Variants in MYMK observed in about 807,000 individuals in gnomAD.
The protein encoded by MYMK is protein myomaker.
MYMK carries 16 observed loss-of-function variants against 22.4 expected under a neutral mutation model. That is an observed-to-expected ratio of 0.72 (90% CI 0.48 to 1.09). The LOEUF (loss-of-function observed/expected upper bound fraction) is 1.09, where lower values mean the gene tolerates loss of function less well. Among genes scored for constraint, MYMK ranks in the 50% least tolerant of loss-of-function variants. The pLI, the probability that MYMK is intolerant of heterozygous loss-of-function variation, is 0.00. For missense variants in MYMK, 250 were observed against 295.6 expected (o/e 0.85, Z 1.13); for synonymous variants, 125 against 127.0 (o/e 0.98, Z 0.11).
At chr9:133,523,025 C>T (rs976828802) in intron 1 of MYMK, among the ~76,000 whole-genome samples, 4 of 152,166 alleles carry the variant, frequency 2.6e-5, no homozygotes, top group East Asian at 1.9e-4. Context: ...TGGGTACTGG[C>T]GCTCGAGGTG....
intron 2 of MYMK, among the ~76,000 whole-genome samples, chr9:133,519,281 C>T (rs540502481): frequency 6.6e-6 from 1 of 152,242 alleles, no homozygotes; most frequent in East Asian, 1.9e-4. Flanking sequence ...AATAAACAGA[C>T]CACAGCTGGT....
intron 1 of MYMK, among the ~76,000 whole-genome samples, chr9:133,521,379 G>A (rs1457951033): frequency 6.6e-6 from 1 of 152,192 alleles, no homozygotes; most frequent in African/African-American, 2.4e-5. Flanking sequence ...AGCAGCCCGT[G>A]TCTGGAGGCG....
chr9:133,518,639 C>T (rs140843636), intron 3 of MYMK, among the ~76,000 whole-genome samples: 33 of 152,304 alleles, frequency 2.2e-4, no homozygotes, highest in African/African-American at 7.9e-4. Flanking sequence ...GGAGGTGAGA[C>T]ATTGGGTAAC....
intron 3 of MYMK, among the ~76,000 whole-genome samples, chr9:133,518,367 G>C (rs988889537): frequency 6.6e-6 from 1 of 152,320 alleles, no homozygotes. Flanking sequence ...CTCCTGGCTA[G>C]AACCAAGCTC....
chr9:133,516,853 C>T (rs972453787), intron 3 of MYMK, among the ~76,000 whole-genome samples: 4 of 152,204 alleles, frequency 2.6e-5, no homozygotes, highest in African/African-American at 4.8e-5. Context: ...TTCTTCCTCC[C>T]GGGCTGCCAT....
Position 133,515,735 on chromosome 9 carries a change from C to A in MYMK, c.400-128G>T. 4.7e-6 allele frequency: 3 copies of A among 636,696 alleles called. No individual in the cohort carries two copies. Among genetic ancestry groups the A allele is most frequent in the African/African-American group, 1.8e-5 (1 of 54,702 alleles). The allele number at this position is 636,696 out of a possible 1,614,324, so 39.4% of individuals were successfully genotyped here. On this transcript the variant is annotated intron_variant, in intron 3 of 4. Transcript: ENST00000339996. This position sits in a 1 kb window ranked among gnomAD's most constrained non-coding sequence, Gnocchi z 5.8. ...CCCTCTCCCGGCAGGAGAGGAGGCT[C>A]AGGAGCCTCCTGCCGCACCCAGCCT...
At chr9:133,523,361 T>A (rs1844725639) in intron 1 of MYMK, among the ~76,000 whole-genome samples, 1 of 150,850 alleles carries the variant, frequency 6.6e-6, no homozygotes. Context: ...GGAGGTGGAG[T>A]TTTCACAGGT....
intron 1 of MYMK, among the ~76,000 whole-genome samples, chr9:133,522,423 A>T (rs774183314): frequency 1.3e-4 from 20 of 152,252 alleles, no homozygotes; most frequent in Middle Eastern, 3.4e-3. Context: ...TGTCCGGCAC[A>T]GAGATGGAGA....
Position 133,520,202 on chromosome 9 carries a change from T to C in MYMK, c.222A>G (p.Thr74=), listed in dbSNP as rs1369366840. The part of the protein sequence containing the change: ...DILEYFSVYG[T]ALSMWVSLMA... The stretch of plus-strand genomic sequence containing the variant: ...TCAGCGAGACCCACATGCTCAGGGC[T>C]GTCCCGTAGACACTGAAATACTCCA... Residue 74 remains threonine (T), a synonymous_variant, in exon 2 of 5, where the codon ACA becomes ACG. Transcript: ENST00000339996. 6.2e-7 allele frequency: 1 copy of C among 1,613,988 alleles called. No individual in the cohort carries two copies. The highest frequency in any genetic ancestry group is 8.5e-7 in the Non-Finnish European group (1 of 1,180,020).
Position 133,518,921 on chromosome 9 carries a change from A to G in MYMK, c.352T>C (p.Tyr118His), listed in dbSNP as rs1844664580. The change falls in exon 3 of 5, where the codon TAC becomes CAC. Residue 118 changes from tyrosine to histidine, a missense_variant. Physicochemically the swap from Tyr to His is moderately conservative, Grantham distance 83. Coordinates refer to ENST00000339996, the MANE Select transcript of MYMK (RefSeq NM_001080483.3). ...ATGGCTGTGCCGATGGGGCCCGAGT[A>G]CACCCCGTAGCCCCATCGGTCATGG... ...IYHDRWGYGVYSGPIGTAILI... is the reference protein window; with the variant it reads ...IYHDRWGYGVHSGPIGTAILI... The G allele has an allele frequency of 6.2e-7, 1 of 1,613,650 alleles. No individual in the cohort carries two copies. Among genetic ancestry groups the G allele is most frequent in the Admixed American group, 1.7e-5 (1 of 60,000 alleles).
At chr9:133,519,658 C>G (rs886366574) in intron 2 of MYMK, among the ~76,000 whole-genome samples, 10 of 152,080 alleles carry the variant, frequency 6.6e-5, no homozygotes, top group African/African-American at 2.2e-4. Context: ...AATGAAGCCC[C>G]TCACAGGCCC....
intron 3 of MYMK, 122 bp downstream of exon 3, chr9:133,518,752 G>C: frequency 7.7e-7 from 1 of 1,304,344 alleles, no homozygotes; most frequent in Non-Finnish European, 1.0e-6. Flanking sequence ...CTGAATTCCT[G>C]CATCCACCCA....
intron 3 of MYMK, among the ~76,000 whole-genome samples, chr9:133,516,200 G>C (rs929822258): frequency 1.3e-5 from 2 of 152,256 alleles, no homozygotes; most frequent in Admixed American, 1.3e-4. Context: ...GAAGATGCGG[G>C]AAGTGTGGGG....
intron 3 of MYMK, 41 bp downstream of exon 3, chr9:133,518,833 C>T (rs374033489): frequency 1.0e-5 from 16 of 1,586,162 alleles, no homozygotes; most frequent in African/African-American, 1.3e-5. Context: ...AGGTGACGGG[C>T]CTCCTGGGTC....
At position 133,515,588 on chromosome 9, in the gene MYMK, T is replaced by C. The variant is rs772606394; in HGVS notation, c.419A>G (p.Lys140Arg). ...GCTCTTGTCTGGGTACAGGCCCTTC[T>C]TCTCCTTCATCTTCTGTAGCTGTGA... ...AAKWLQKMKE[K>R]KGLYPDKSVY... The change falls in exon 4 of 5, where the codon AAG becomes AGG. Residue 140 changes from lysine (K) to arginine (R), a missense_variant. Physicochemically the swap from Lys to Arg is conservative, Grantham distance 26. Transcript: ENST00000339996. This position sits in a 1 kb window ranked among gnomAD's most constrained non-coding sequence, Gnocchi z 5.8. The C allele has an allele frequency of 1.9e-6, 3 of 1,613,408 alleles. No individual in the cohort carries two copies. Among genetic ancestry groups the C allele is most frequent in the East Asian group, 4.5e-5 (2 of 44,868 alleles).
Position 133,523,682 on chromosome 9 carries a change from G to GGAGAGAGAGAGAGAGA in MYMK, c.135+1012_135+1027dup, listed in dbSNP as rs35845164. On this transcript the variant is annotated intron_variant, in intron 1 of 4. Coordinates refer to ENST00000339996, the MANE Select transcript of MYMK (RefSeq NM_001080483.3). Reference sequence around the variant, plus strand: ...TGGATGCGTAGATAGAGAGATAGATGGAGAGAGAGAGAGAGAGAGAGAGAG... The same window carrying GGAGAGAGAGAGAGAGA: ...TGGATGCGTAGATAGAGAGATAGATGGAGAGAGAGAGAGAGAGAGAGAGAGAGAGAGAGAGAGAGAG... 2.8e-3 allele frequency among the ~76,000 whole-genome samples: 345 copies of GGAGAGAGAGAGAGAGA among 121,490 alleles called. 6 individuals carry two copies. The highest frequency in any genetic ancestry group is 0.011 in the African/African-American group (328 of 29,926). The allele number at this position is 121,490 out of a possible 152,430, so 79.7% of individuals were successfully genotyped here.
intron 2 of MYMK, among the ~76,000 whole-genome samples, chr9:133,519,468 G>A (rs1219809480): frequency 6.6e-6 from 1 of 152,194 alleles, no homozygotes; most frequent in Non-Finnish European, 1.5e-5. Context: ...GCTGAGGTGG[G>A]AGGATGGCTT....
chr9:133,516,228 G>A (rs1844629304), intron 3 of MYMK, among the ~76,000 whole-genome samples: 1 of 152,236 alleles, frequency 6.6e-6, no homozygotes, highest in South Asian at 2.1e-4. Context: ...CCTGGAGCCG[G>A]CCTTGTGTTT....
chr9:133,519,029 G>T lies in MYMK; in HGVS notation c.251-7C>A. 6.2e-7 allele frequency: 1 copy of T among 1,613,534 alleles called. No individual in the cohort carries two copies. Among genetic ancestry groups the T allele is most frequent in the Non-Finnish European group, 8.5e-7 (1 of 1,179,956 alleles). ...TCGTCGAAGTCGGCCAGTGCTGGAG[G>T]GGCCAGGGAGACACAGGGGGAGGTG... On this transcript the variant is annotated splice_polypyrimidine_tract_variant and splice_region_variant and intron_variant, in intron 2 of 4. Transcript: ENST00000339996.
Sources: allele counts gnomAD v4.1 joint callset (sites outside exome capture counted in the v4.1 genomes callset), GRCh38; gene constraint gnomAD v4.1.1; non-coding constraint Gnocchi (gnomAD v3.1); transcripts MANE v1.5; gene names NCBI Gene and HGNC (gene_info 2026-07-23, HGNC 2026-07-21).